The following ITSN1 variants were observed in gnomAD, a reference collection of about 807,000 sequenced individuals.
ITSN1 encodes the protein intersectin 1, also known as intersectin-1.
A neutral mutation model predicts 239.8 loss-of-function variants in ITSN1; 58 were observed. The ratio of observed to expected loss-of-function variants is 0.24; its 90% CI spans 0.20 to 0.30. The LOEUF is 0.30. Among genes scored for constraint, ITSN1 ranks in the 10% least tolerant of loss-of-function variants. The pLI, the probability that ITSN1 is intolerant of heterozygous loss-of-function variation, is 1.00. For missense variants in ITSN1, 1,558 were observed against 2,103.3 expected, an observed-to-expected ratio of 0.74 and a Z score of 5.07; for synonymous variants, 780 against 770.8, an observed-to-expected ratio of 1.01 and a Z score of -0.20.
intron 1 of ITSN1, among the ~76,000 whole-genome samples, chr21:33,678,704 G>T (rs749454297): frequency 6.6e-6 from 1 of 152,112 alleles, no homozygotes; most frequent in Non-Finnish European, 1.5e-5. Context: ...AGTTTTTGTT[G>T]TTGTTGTTGT....
intron 22 of ITSN1, chr21:33,814,477 T>C (rs1003505184): frequency 5.8e-6 from 1 of 173,438 alleles, no homozygotes; most frequent in African/African-American, 2.3e-5. Context: ...ATTGAGTTTT[T>C]TTTGGAAAAG....
At position 33,811,105 on chromosome 21, in the gene ITSN1, C is replaced by T; in HGVS notation, c.2450C>T (p.Thr817Ile). The change falls in exon 21 of 40, where the codon ACT becomes ATT. Residue 817 changes from threonine (T) to isoleucine (I), a missense_variant. This residue lies in a region of ITSN1 where 982 missense variants were observed against 1,209.9 expected (regional missense o/e 0.81). Transcript: ENST00000381318. ...GTTCCCGCTCCAGTGAAACCAGTGA[C>T]TGATTCAACATCTGCCCCTGCCCCC... ...NEVPAPVKPV[T>I]DSTSAPAPKL... The T allele has an allele frequency of 6.2e-7, 1 of 1,614,200 alleles. No individual in the cohort carries two copies. Among genetic ancestry groups the T allele is most frequent in the South Asian group, 1.1e-5 (1 of 91,086 alleles).
At chr21:33,753,439 TATCATCTTA>T (rs2067692992) in intron 7 of ITSN1, among the ~76,000 whole-genome samples, 1 of 152,078 alleles carries the variant, frequency 6.6e-6, no homozygotes, top group Non-Finnish European at 1.5e-5. Flanking sequence ...GTTAAACCTA[TATCATCTTA>T]CACTAAGTTC....
chr21:33,828,974 C>T, intron 26 of ITSN1: 1 of 471,622 alleles, frequency 2.1e-6, no homozygotes, highest in Admixed American at 2.3e-5. Flanking sequence ...CCAGGTCCCT[C>T]CTGTAACGTG....
chr21:33,740,812 C>T (rs900541893), intron 5 of ITSN1, among the ~76,000 whole-genome samples: 2 of 152,104 alleles, frequency 1.3e-5, no homozygotes, highest in Admixed American at 6.6e-5. Context: ...TGCCTGTAAT[C>T]GCAGCACTTT....
intron 1 of ITSN1, among the ~76,000 whole-genome samples, chr21:33,679,408 A>C (rs188913259): frequency 6.6e-6 from 1 of 152,238 alleles, no homozygotes; most frequent in Admixed American, 6.5e-5. Flanking sequence ...TCCTAGGACA[A>C]TTTCACTATT....
chr21:33,883,716 C>T, intron 36 of ITSN1, 45 bp downstream of exon 36: 1 of 1,600,574 alleles, frequency 6.2e-7, no homozygotes, highest in South Asian at 1.1e-5. Context: ...GGCTCCACGG[C>T]TCTAGGACAC....
chr21:33,856,605 A>G, intron 29 of ITSN1, 131 bp from the exon 30 acceptor site: 1 of 1,247,392 alleles, frequency 8.0e-7, no homozygotes, highest in Non-Finnish European at 1.1e-6. Context: ...TGGGGAGGAC[A>G]CATTTCAGCC....
chr21:33,883,673 TGAGA>T lies in ITSN1; in HGVS notation c.4676+3_4676+6del. ...CCGAGCAGAAAGCATAAATGAAAGG[TGAGA>T]CCTGCCGCCTCCCCAGCATGGGCCC... On this transcript the variant is annotated splice_donor_5th_base_variant and intron_variant, in intron 36 of 39. Transcript: ENST00000381318. The T allele has an allele frequency of 1.2e-6, 2 of 1,612,582 alleles. No individual in the cohort carries two copies. The highest frequency in any genetic ancestry group is 1.7e-6 in the Non-Finnish European group (2 of 1,178,988).
Position 33,765,996 on chromosome 21 carries a change from A to T in ITSN1, c.910A>T (p.Ile304Phe). 1 of 1,614,166 alleles carries T rather than the reference A, an allele frequency of 6.2e-7. No individual in the cohort carries two copies. The highest frequency in any genetic ancestry group is 8.5e-7 in the Non-Finnish European group (1 of 1,180,010). Residue 304 changes from isoleucine to phenylalanine, a missense_variant, in exon 10 of 40, where the codon ATT becomes TTT. Transcript: ENST00000381318. ...PLPPVLPPEY[I>F]PPSFRRVRSG... ...GCCACCTGTCCTGCCTCCAGAATAC[A>T]TTCCACCTTCTTTTAGGTAAGGAAC...
At position 33,725,735 on chromosome 21, in the gene ITSN1, T is replaced by G. The variant is rs80279414; in HGVS notation, c.185+3084T>G. Among the ~76,000 whole-genome samples the G allele has an allele frequency of 9.5e-3, 1,440 of 152,344 alleles. 31 individuals are homozygous for G. The highest frequency in any genetic ancestry group is 0.034 in the African/African-American group (1,395 of 41,568). On this transcript the variant is annotated intron_variant, in intron 4 of 39. Transcript: ENST00000381318. ...ATTGAATGAATCTTTAATTTTTTTC[T>G]TACGTTTTGCTAAATAAATTTGTGA...
At chr21:33,819,150 A>C (rs2073485506) in intron 23 of ITSN1, 91 bp from the exon 24 acceptor site, 1 of 975,302 alleles carries the variant, frequency 1.0e-6, no homozygotes, top group Non-Finnish European at 1.6e-6. Context: ...AAAGTTTTAA[A>C]AGTTAAGCAG....
chr21:33,834,201 G>T, intron 27 of ITSN1, 106 bp from the exon 28 acceptor site: 1 of 764,302 alleles, frequency 1.3e-6, no homozygotes, highest in South Asian at 1.8e-5. Flanking sequence ...AATGTCATTT[G>T]TTTTTCAGTT....
At chr21:33,885,176 A>T in intron 37 of ITSN1, 53 bp downstream of exon 37, 1 of 1,460,150 alleles carries the variant, frequency 6.8e-7, no homozygotes, top group Non-Finnish European at 9.6e-7. Flanking sequence ...AGGGAGGGCC[A>T]TTTGGCTGGG....
At chr21:33,687,115 G>A (rs991040719) in intron 1 of ITSN1, among the ~76,000 whole-genome samples, 1 of 152,060 alleles carries the variant, frequency 6.6e-6, no homozygotes, top group African/African-American at 2.4e-5. Flanking sequence ...CAGATTACCT[G>A]AGGTCAGGAG....
At chr21:33,857,731 A>G (rs139942033) in intron 30 of ITSN1, among the ~76,000 whole-genome samples, 76 of 152,280 alleles carry the variant, frequency 5.0e-4, no homozygotes, top group African/African-American at 1.8e-3. Context: ...CCCTTTCTCA[A>G]GGTGTTTGAC....
intron 1 of ITSN1, among the ~76,000 whole-genome samples, chr21:33,690,578 C>G (rs1295405173): frequency 6.8e-6 from 1 of 147,468 alleles, no homozygotes. Flanking sequence ...CCAGCCTGGG[C>G]AACAGAGCGA....
chr21:33,722,541 GTTGTTT>G (rs753128394), intron 3 of ITSN1, 41 bp from the exon 4 acceptor site: 2 of 1,459,446 alleles, frequency 1.4e-6, no homozygotes, highest in Admixed American at 5.2e-5. Flanking sequence ...TCTGTCAGCT[GTTGTTT>G]TTTTTTTTTT....
intron 1 of ITSN1, 124 bp from the exon 2 acceptor site, chr21:33,718,673 A>G (rs1189456139): frequency 1.5e-6 from 1 of 684,800 alleles, no homozygotes; most frequent in African/African-American, 1.8e-5. Context: ...GAATTCCTTA[A>G]TTGTAGAGCT....
Sources: gnomAD v4.1 joint callset for allele counts (sites outside exome capture counted in the v4.1 genomes callset) on GRCh38, gnomAD v4.1.1 for gene constraint, gnomAD v4.1.1 regional missense constraint, MANE v1.5 for transcripts, NCBI Gene and HGNC (gene_info 2026-07-23, HGNC 2026-07-21) for gene names.